The following L3MBTL4 variants were observed in gnomAD, a reference collection of about 807,000 sequenced individuals.
L3MBTL4 encodes L3MBTL histone methyl-lysine binding protein 4, also known as lethal(3)malignant brain tumor-like protein 4.
L3MBTL4 carries 70 observed loss-of-function variants against 84.5 expected under a neutral mutation model. That is an observed-to-expected ratio of 0.83 (90% confidence interval 0.68 to 1.01). L3MBTL4 has a LOEUF of 1.01. L3MBTL4 is among the 50% of genes least tolerant of loss of function. The pLI is 0.00. For synonymous variants in L3MBTL4, 274 were observed against 259.8 expected, an observed-to-expected ratio of 1.05 and a Z score of -0.52; for missense variants, 715 against 754.8, an observed-to-expected ratio of 0.95 and a Z score of 0.62.
intron 1 of L3MBTL4, chr18:6,395,050 AT>A (rs1477208153): frequency 6.6e-6 from 1 of 152,266 alleles, no homozygotes; most frequent in South Asian, 2.1e-4. Flanking sequence ...TTCATAAAAT[AT>A]TATGAGGCTG....
chr18:6,370,986 A>G (rs867416014), intron 1 of L3MBTL4, among the ~76,000 whole-genome samples: 4 of 152,174 alleles, frequency 2.6e-5, no homozygotes, highest in African/African-American at 7.2e-5. Context: ...AGCAAGTCTT[A>G]GTCGCGCCAA....
chr18:6,042,582 G>A (rs1471571491), intron 16 of L3MBTL4, among the ~76,000 whole-genome samples: 7 of 152,102 alleles, frequency 4.6e-5, no homozygotes, highest in African/African-American at 1.7e-4. Flanking sequence ...CGTCCTACAT[G>A]AGCCCTCAGC....
intron 4 of L3MBTL4, among the ~76,000 whole-genome samples, chr18:6,299,675 TA>T (rs2050248004): frequency 4.1e-5 from 6 of 145,044 alleles, no homozygotes; most frequent in African/African-American, 1.0e-4. Flanking sequence ...GCAATATAGA[TA>T]TATTTTTTTT....
chr18:6,206,623 AAGTCCCTACT>A (rs1484958123), intron 12 of L3MBTL4, among the ~76,000 whole-genome samples: 2 of 152,186 alleles, frequency 1.3e-5, no homozygotes, highest in African/African-American at 4.8e-5. Flanking sequence ...TGTGAAAGGT[AAGTCCCTACT>A]ACAGTTCTTG....
At chr18:6,413,080 A>G (rs2056038255) in intron 1 of L3MBTL4, among the ~76,000 whole-genome samples, 1 of 152,088 alleles carries the variant, frequency 6.6e-6, no homozygotes, top group Admixed American at 6.6e-5. Context: ...GTGAGACCCT[A>G]TCTCTAAAAA....
chr18:6,282,918 G>A (rs913129681), intron 4 of L3MBTL4, among the ~76,000 whole-genome samples: 1 of 152,054 alleles, frequency 6.6e-6, no homozygotes, highest in African/African-American at 2.4e-5. Flanking sequence ...ATTGCCCAAG[G>A]GAAGTAAAAA....
chr18:6,239,687 C>T, intron 9 of L3MBTL4, 31 bp downstream of exon 9: 1 of 1,603,274 alleles, frequency 6.2e-7, no homozygotes, highest in South Asian at 1.1e-5. Context: ...CATATGAATA[C>T]ACAAAAATAA....
At chr18:6,223,731 G>C (rs527593599) in intron 10 of L3MBTL4, among the ~76,000 whole-genome samples, 1 of 152,164 alleles carries the variant, frequency 6.6e-6, no homozygotes, top group Non-Finnish European at 1.5e-5. Context: ...GAGTAGAAAT[G>C]ATGTAATAAG....
At chr18:6,011,316 T>TA (rs907594822) in intron 16 of L3MBTL4, among the ~76,000 whole-genome samples, 18 of 150,216 alleles carry the variant, frequency 1.2e-4, no homozygotes, top group East Asian at 3.9e-4. Context: ...AGATAAACAA[T>TA]AAAAAAAAAG....
At chr18:5,988,803 G>A (rs1370294487) in intron 16 of L3MBTL4, among the ~76,000 whole-genome samples, 10 of 152,208 alleles carry the variant, frequency 6.6e-5, no homozygotes, top group Admixed American at 6.5e-4. Context: ...AATTAAAAGA[G>A]TTTCTAGGGG....
intron 1 of L3MBTL4, among the ~76,000 whole-genome samples, chr18:6,312,975 G>T (rs771483824): frequency 4.6e-5 from 7 of 151,944 alleles, no homozygotes; most frequent in African/African-American, 1.7e-4. Flanking sequence ...ATTTGAACTC[G>T]TCCTTTCTGA....
chr18:6,081,550 T>C (rs747206113), intron 15 of L3MBTL4, among the ~76,000 whole-genome samples: 2 of 152,234 alleles, frequency 1.3e-5, no homozygotes, highest in Non-Finnish European at 2.9e-5. Flanking sequence ...TAGTCAGTAA[T>C]TAATTTTAGG....
At chr18:6,106,789 T>C (rs1162829429) in intron 14 of L3MBTL4, among the ~76,000 whole-genome samples, 1 of 152,214 alleles carries the variant, frequency 6.6e-6, no homozygotes, top group African/African-American at 2.4e-5. Flanking sequence ...TAGTATCCTA[T>C]TTTGGTTAAA....
intron 7 of L3MBTL4, among the ~76,000 whole-genome samples, chr18:6,242,991 C>T (rs1261416181): frequency 2.0e-5 from 3 of 152,078 alleles, no homozygotes; most frequent in Non-Finnish European, 4.4e-5. Context: ...TATTAGTCTG[C>T]ACTGCTTATA....
chr18:6,333,318 T>C (rs1037235589), intron 1 of L3MBTL4, among the ~76,000 whole-genome samples: 4 of 152,164 alleles, frequency 2.6e-5, no homozygotes, highest in African/African-American at 9.7e-5. Flanking sequence ...CTCATGCCTG[T>C]AATCCCAACA....
chr18:5,992,682 T>C (rs1265519249), intron 16 of L3MBTL4, among the ~76,000 whole-genome samples: 5 of 152,092 alleles, frequency 3.3e-5, no homozygotes, highest in African/African-American at 1.2e-4. Flanking sequence ...ACACGAGATG[T>C]GGTCATTTAA....
chr18:6,093,710 G>A (rs2058536734), intron 14 of L3MBTL4, among the ~76,000 whole-genome samples, 182 bp from the exon 15 acceptor site: 1 of 152,136 alleles, frequency 6.6e-6, no homozygotes, highest in South Asian at 2.1e-4. Context: ...TCAGGTTCTA[G>A]AACCACAGAC....
chr18:6,207,676 A>G (rs2045930308), intron 12 of L3MBTL4, among the ~76,000 whole-genome samples: 1 of 152,202 alleles, frequency 6.6e-6, no homozygotes, highest in African/African-American at 2.4e-5. Context: ...AAATTGTCCC[A>G]GTCTCCTTCC....
At chr18:6,196,702 A>AC (rs2045413052) in intron 12 of L3MBTL4, among the ~76,000 whole-genome samples, 1 of 152,214 alleles carries the variant, frequency 6.6e-6, no homozygotes, top group African/African-American at 2.4e-5. Context: ...GGGCTGAGAG[A>AC]CCTAAATGCA....
Sources: gnomAD v4.1 joint callset for allele counts (sites outside exome capture counted in the v4.1 genomes callset) on GRCh38, gnomAD v4.1.1 for gene constraint, MANE v1.5 for transcripts, NCBI Gene and HGNC (gene_info 2026-07-23, HGNC 2026-07-21) for gene names.